Variants in PLD5 observed in about 807,000 individuals in gnomAD.
The protein encoded by PLD5 is phospholipase D family member 5, also known as inactive phospholipase D5.
A neutral mutation model predicts 61.1 loss-of-function variants in PLD5; 36 were observed. That is an observed-to-expected ratio of 0.59 (90% CI 0.45 to 0.78). The LOEUF (loss-of-function observed/expected upper bound fraction) is 0.78. PLD5 is among the 30% of genes least tolerant of loss of function. The pLI is 0.00. For missense variants in PLD5, 515 were observed against 644.4 expected (o/e 0.80, Z 2.17); for synonymous variants, 243 against 242.8 (o/e 1.00, Z -0.01).
intron 1 of PLD5, among the ~76,000 whole-genome samples, chr1:242,480,625 A>G (rs1297608567): frequency 1.3e-5 from 2 of 152,214 alleles, no homozygotes; most frequent in Admixed American, 6.5e-5. Context: ...TTATATCTAA[A>G]TGTAGAAAGA....
chr1:242,167,074 A>T (rs1666355926), intron 5 of PLD5, among the ~76,000 whole-genome samples: 1 of 29,074 alleles, frequency 3.4e-5, no homozygotes, highest in Admixed American at 4.0e-4. Flanking sequence ...AGACAATAAT[A>T]ATAGTAATAA....
chr1:242,424,692 T>C (rs1002864884), intron 1 of PLD5, among the ~76,000 whole-genome samples: 1 of 152,200 alleles, frequency 6.6e-6, no homozygotes, highest in African/African-American at 2.4e-5. Flanking sequence ...TAGAAACTAA[T>C]TGCTCACTGC....
rs538610394 is a variant in PLD5, at chr1:242,162,996, T to G, written c.736-38331A>C. On this transcript the variant is annotated intron_variant, in intron 5 of 9. Coordinates refer to ENST00000536534, the MANE Select transcript of PLD5 (RefSeq NM_001372062.1). ...GAAATCCTGCAGCTTTCATACCCAG[T>G]TCATACTAATATCTACAGGTGTTTA... is the stretch of plus-strand genomic sequence containing the variant. Among the ~76,000 whole-genome samples, 3 of 152,306 alleles carry G rather than the reference T, an allele frequency of 2.0e-5. No individual in the cohort carries two copies. In the South Asian group the frequency reaches 6.2e-4, roughly 32 times the overall value.
At chr1:242,490,986 C>CA (rs1292770797) in intron 1 of PLD5, among the ~76,000 whole-genome samples, 1 of 152,180 alleles carries the variant, frequency 6.6e-6, no homozygotes, top group African/African-American at 2.4e-5. Context: ...TGTTTCCCCC[C>CA]ACATATACCT....
chr1:242,520,429 G>A (rs563316771), intron 1 of PLD5, among the ~76,000 whole-genome samples: 1 of 152,272 alleles, frequency 6.6e-6, no homozygotes, highest in South Asian at 2.1e-4. Context: ...CTTCTCTAAG[G>A]GGGAACACAG....
chr1:242,305,828 C>G (rs1297633161), intron 2 of PLD5, among the ~76,000 whole-genome samples: 2 of 152,088 alleles, frequency 1.3e-5, no homozygotes, highest in East Asian at 3.9e-4. Context: ...CCAAAGTGCA[C>G]TTCCATTTCT....
At chr1:242,465,861 G>A (rs1026779141) in intron 1 of PLD5, among the ~76,000 whole-genome samples, 4 of 152,276 alleles carry the variant, frequency 2.6e-5, no homozygotes, top group Admixed American at 6.5e-5. Context: ...CCTGGGAGGC[G>A]GAGGTTGCAG....
At chr1:242,101,146 A>G (rs1660654505) in intron 8 of PLD5, among the ~76,000 whole-genome samples, 1 of 152,242 alleles carries the variant, frequency 6.6e-6, no homozygotes, top group African/African-American at 2.4e-5. Context: ...AAGCATGGCA[A>G]TGAACCGAAT....
rs140208259 is a variant in PLD5, at chr1:242,405,678, T to C, written c.190-57436A>G. On this transcript the variant is annotated intron_variant, in intron 1 of 9. Coordinates refer to ENST00000536534, the MANE Select transcript of PLD5 (RefSeq NM_001372062.1). ...GTGCAATGGCACAATCTCGCCTCAC[T>C]GCAACCTCTGCCTATAAGGTTCAAG... Among the ~76,000 whole-genome samples, 22 of 152,098 alleles carry C rather than the reference T, an allele frequency of 1.4e-4. No individual in the cohort carries two copies. In the East Asian group the frequency reaches 4.3e-3, roughly 30 times the overall value.
chr1:242,303,183 T>G (rs563712412), intron 2 of PLD5, among the ~76,000 whole-genome samples: 1 of 152,308 alleles, frequency 6.6e-6, no homozygotes, highest in Non-Finnish European at 1.5e-5. Flanking sequence ...GATAGAAAAG[T>G]TATAGCCAAA....
At position 242,223,851 on chromosome 1, in the gene PLD5, TAGAGAGAGAG is replaced by T. The variant is rs34987274; in HGVS notation, c.608-3746_608-3737del. ...ATTAATAGCTGTAGATATATATAAA[TAGAGAGAGAG>T]AGAGAGAGAGAGAGAGAGAGAGTCA... On this transcript the variant is annotated intron_variant, in intron 4 of 9. Transcript: ENST00000536534. 2.3e-3 allele frequency among the ~76,000 whole-genome samples: 338 copies of T among 144,342 alleles called. 1 individual carries two copies. The highest frequency in any genetic ancestry group is 3.0e-3 in the Non-Finnish European group (198 of 65,660). 94.7% of individuals were successfully genotyped at this position (144,342 alleles called of 152,430 possible). A position where few individuals can be genotyped will look rare whatever the true frequency, so the allele number is the denominator to read the frequency against.
intron 4 of PLD5, among the ~76,000 whole-genome samples, chr1:242,247,136 A>G (rs1672432106): frequency 6.6e-6 from 1 of 151,910 alleles, no homozygotes; most frequent in African/African-American, 2.4e-5. Flanking sequence ...GGCGCCCGCC[A>G]CCATGCCCGG....
At position 242,478,619 on chromosome 1, in the gene PLD5, A is replaced by G. The variant is rs555552663; in HGVS notation, c.189+45469T>C. Reference sequence around the variant, plus strand: ...CAAACATAAAAGGCATCATCTGTGTAGGTCAATCACTTCGCAAGGAGCACC... The same window carrying G: ...CAAACATAAAAGGCATCATCTGTGTGGGTCAATCACTTCGCAAGGAGCACC... On this transcript the variant is annotated intron_variant, in intron 1 of 9. Coordinates refer to ENST00000536534, the MANE Select transcript of PLD5 (RefSeq NM_001372062.1). Among the ~76,000 whole-genome samples the G allele has an allele frequency of 2.6e-5, 4 of 152,334 alleles. No individual in the cohort carries two copies. The South Asian group carries it at 8.3e-4, about 32-fold the overall frequency.
At chr1:242,421,072 C>T (rs917827744) in intron 1 of PLD5, among the ~76,000 whole-genome samples, 6 of 148,222 alleles carry the variant, frequency 4.0e-5, no homozygotes, top group East Asian at 2.1e-4. Context: ...CCCAGCTACT[C>T]GGGAGGCTGA....
At chr1:242,479,569 G>A (rs936317363) in intron 1 of PLD5, among the ~76,000 whole-genome samples, 13 of 152,108 alleles carry the variant, frequency 8.5e-5, no homozygotes, top group African/African-American at 2.4e-4. Flanking sequence ...ACTATATGGA[G>A]AGCAGATATT....
At chr1:242,502,184 C>T (rs1211025842) in intron 1 of PLD5, among the ~76,000 whole-genome samples, 2 of 152,144 alleles carry the variant, frequency 1.3e-5, no homozygotes, top group Admixed American at 1.3e-4. Flanking sequence ...TGCAATGTCT[C>T]TCAAGAACCT....
intron 4 of PLD5, among the ~76,000 whole-genome samples, chr1:242,240,608 C>T (rs927169308): frequency 6.6e-6 from 1 of 151,936 alleles, no homozygotes; most frequent in East Asian, 1.9e-4. Context: ...ATGTAAGAAA[C>T]ATCAGGGAGT....
chr1:242,312,622 C>T (rs1558454335), intron 2 of PLD5, among the ~76,000 whole-genome samples: 1 of 152,164 alleles, frequency 6.6e-6, no homozygotes, highest in Non-Finnish European at 1.5e-5. Flanking sequence ...CCAAACTGTG[C>T]CACTTTTAGC....
intron 1 of PLD5, among the ~76,000 whole-genome samples, chr1:242,355,785 TG>T (rs1660720596): frequency 2.6e-5 from 4 of 152,180 alleles, no homozygotes; most frequent in Non-Finnish European, 4.4e-5. Context: ...AATTTTGGTA[TG>T]TTGTGTTTCC....
Sources: allele counts gnomAD v4.1 joint callset (sites outside exome capture counted in the v4.1 genomes callset), GRCh38; gene constraint gnomAD v4.1.1; transcripts MANE v1.5; gene names NCBI Gene and HGNC (gene_info 2026-07-23, HGNC 2026-07-21).